Variants in IL1RAPL2 observed in about 807,000 individuals in gnomAD.
IL1RAPL2 encodes X-linked interleukin-1 receptor accessory protein-like 2.
Under a neutral mutation model 44.1 loss-of-function variants are expected in IL1RAPL2, and 3 were observed. The observed-to-expected ratio is 0.07, with a 90% CI of 0.03 to 0.18. IL1RAPL2 has a LOEUF of 0.18. Ranked by LOEUF, IL1RAPL2 falls within the 10% of genes least tolerant of loss-of-function variation. IL1RAPL2 has a pLI of 1.00. For synonymous variants in IL1RAPL2, 181 were observed against 178.8 expected, an observed-to-expected ratio of 1.01 and a Z score of -0.10; for missense variants, 391 against 496.4, an observed-to-expected ratio of 0.79 and a Z score of 2.02.
At chrX:104,721,793 C>G (rs1301290481) in intron 2 of IL1RAPL2, among the ~76,000 whole-genome samples, 1 of 111,561 alleles carries the variant, frequency 9.0e-6, no homozygotes. Flanking sequence ...GACTCAAAAA[C>G]TCATTCTCAA....
intron 2 of IL1RAPL2, among the ~76,000 whole-genome samples, chrX:104,778,058 T>C (rs997336707): frequency 3.6e-5 from 4 of 110,906 alleles, no homozygotes; most frequent in Non-Finnish European, 7.6e-5. Context: ...TCCTAATGGG[T>C]ATGAGGTATT....
chrX:104,566,942 G>A lies in IL1RAPL2; in HGVS notation c.-129G>A, dbSNP rs148110442. ...CCCCTTCAGCCACTCCGACTGCCTG[G>A]GAAGTCCCAGCCCGCGCTCTCCGGA... is the stretch of plus-strand genomic sequence containing the variant. On this transcript the variant is annotated 5_prime_UTR_variant, in exon 1 of 11. Transcript: ENST00000372582. The A allele has an allele frequency of 0.012, 1,386 of 112,818 alleles. 30 individuals are homozygous for A. Among genetic ancestry groups the A allele is most frequent in the African/African-American group, 0.042 (1,292 of 31,060 alleles). The allele number at this position is 112,818 out of a possible 1,213,427, so 9.3% of individuals were successfully genotyped here. A position where few individuals can be genotyped will look rare whatever the true frequency, so the allele number is the denominator to read the frequency against.
At chrX:105,323,872 T>TCA (rs112033130) in intron 5 of IL1RAPL2, among the ~76,000 whole-genome samples, 12,129 of 102,252 alleles carry the variant, frequency 0.12, 1,951 homozygotes, top group African/African-American at 0.41. Flanking sequence ...TGAGACTCTG[T>TCA]CACACACACA....
At chrX:105,184,442 CAACAT>C (rs1187737374) in intron 2 of IL1RAPL2, among the ~76,000 whole-genome samples, 9 of 100,928 alleles carry the variant, frequency 8.9e-5, no homozygotes, top group Non-Finnish European at 1.8e-4. Context: ...CATTATATAA[CAACAT>C]AAAATATTTG....
chrX:105,660,227 A>G (rs1324110138), intron 6 of IL1RAPL2, among the ~76,000 whole-genome samples: 2 of 111,287 alleles, frequency 1.8e-5, no homozygotes, highest in African/African-American at 3.3e-5. Flanking sequence ...GGTATGATAT[A>G]TTTCAAGTGC....
chrX:105,410,369 AAGAG>A (rs2035686484), intron 5 of IL1RAPL2, among the ~76,000 whole-genome samples: 1 of 109,955 alleles, frequency 9.1e-6, no homozygotes, highest in Admixed American at 9.8e-5. Context: ...CACCAAGAGA[AAGAG>A]AGCATTTAAA....
chrX:104,704,452 G>A (rs1931331467), intron 2 of IL1RAPL2, among the ~76,000 whole-genome samples: 1 of 111,233 alleles, frequency 9.0e-6, no homozygotes, highest in African/African-American at 3.3e-5. Flanking sequence ...ATAATAATAG[G>A]TGGAGATTCT....
At chrX:105,384,431 TTA>T (rs1331136013) in intron 5 of IL1RAPL2, among the ~76,000 whole-genome samples, 1 of 111,396 alleles carries the variant, frequency 9.0e-6, no homozygotes, top group Non-Finnish European at 1.9e-5. Flanking sequence ...CTGTGTCAAT[TTA>T]TTTCTGGTTT....
intron 2 of IL1RAPL2, among the ~76,000 whole-genome samples, chrX:105,064,444 T>G (rs959490247): frequency 4.5e-5 from 5 of 111,968 alleles, no homozygotes; most frequent in Non-Finnish European, 9.4e-5. Context: ...GATGCTTTTT[T>G]TGTGTGTGTT....
intron 2 of IL1RAPL2, among the ~76,000 whole-genome samples, chrX:104,669,515 A>G (rs936582599): frequency 1.3e-4 from 14 of 111,730 alleles, no homozygotes; most frequent in African/African-American, 4.6e-4. Flanking sequence ...GGTATTAACT[A>G]TCTACCCTCT....
intron 2 of IL1RAPL2, among the ~76,000 whole-genome samples, chrX:104,716,229 T>G (rs186433689): frequency 9.0e-6 from 1 of 111,674 alleles, no homozygotes; most frequent in Non-Finnish European, 1.9e-5. Flanking sequence ...ACTAACGATA[T>G]GCAGAAGATT....
intron 2 of IL1RAPL2, among the ~76,000 whole-genome samples, chrX:104,992,176 T>C (rs2030674368): frequency 9.0e-6 from 1 of 110,770 alleles, no homozygotes; most frequent in South Asian, 3.8e-4. Flanking sequence ...TAGAACATAG[T>C]AGAGAAACTG....
intron 5 of IL1RAPL2, among the ~76,000 whole-genome samples, chrX:105,402,626 T>A (rs2035614028): frequency 9.0e-6 from 1 of 111,460 alleles, no homozygotes; most frequent in African/African-American, 3.3e-5. Flanking sequence ...CATGGGCTGC[T>A]TTGGCTTTGA....
chrX:105,396,920 T>A (rs2035567427), intron 5 of IL1RAPL2, among the ~76,000 whole-genome samples: 1 of 111,036 alleles, frequency 9.0e-6, no homozygotes. Context: ...GACAGGTGAG[T>A]GAGCGAAGCT....
chrX:104,764,209 A>AT (rs1470636706), intron 2 of IL1RAPL2, among the ~76,000 whole-genome samples: 2 of 106,442 alleles, frequency 1.9e-5, no homozygotes, highest in Admixed American at 2.0e-4. Context: ...ATTTTTTTTC[A>AT]TTTTTTGGTG....
chrX:105,722,358 T>C (rs1460194683), intron 7 of IL1RAPL2, among the ~76,000 whole-genome samples: 1 of 111,836 alleles, frequency 8.9e-6, no homozygotes, highest in Non-Finnish European at 1.9e-5. Flanking sequence ...TTTGGAAGCT[T>C]GTGTGGTTTC....
intron 2 of IL1RAPL2, among the ~76,000 whole-genome samples, chrX:105,153,472 C>CA (rs1308766105): frequency 1.8e-5 from 2 of 111,322 alleles, no homozygotes; most frequent in Non-Finnish European, 3.8e-5. Context: ...TTTTGTAAAG[C>CA]AAAAAATATC....
chrX:104,898,578 C>G (rs1190067573), intron 2 of IL1RAPL2, among the ~76,000 whole-genome samples: 1 of 112,739 alleles, frequency 8.9e-6, no homozygotes, highest in African/African-American at 3.2e-5. Context: ...TCACTGATAT[C>G]TCCTTAACTT....
At chrX:104,655,026 G>A (rs987711599) in intron 1 of IL1RAPL2, among the ~76,000 whole-genome samples, 10 of 111,468 alleles carry the variant, frequency 9.0e-5, no homozygotes, top group East Asian at 8.5e-4. Flanking sequence ...TTGATTTTGT[G>A]TCCTGAGACT....
Sources: allele counts gnomAD v4.1 joint callset (sites outside exome capture counted in the v4.1 genomes callset), GRCh38; gene constraint gnomAD v4.1.1; transcripts MANE v1.5; gene names NCBI Gene and HGNC (gene_info 2026-07-23, HGNC 2026-07-21).